The following ZRANB1 variants were observed in gnomAD, a reference collection of about 807,000 sequenced individuals.
ZRANB1 encodes ubiquitin thioesterase ZRANB1.
ZRANB1 carries 16 observed loss-of-function variants against 80.5 expected under a neutral mutation model. The observed-to-expected ratio is 0.20, with a 90% CI of 0.13 to 0.30. ZRANB1 has a LOEUF of 0.30. Among genes scored for constraint, ZRANB1 ranks in the 10% least tolerant of loss-of-function variants. The pLI, the probability that ZRANB1 is intolerant of heterozygous loss-of-function variation, is 1.00. For missense variants in ZRANB1, 576 were observed against 862.6 expected, an observed-to-expected ratio of 0.67 and a Z score of 4.16; for synonymous variants, 291 against 293.1, an observed-to-expected ratio of 0.99 and a Z score of 0.07.
the ZRANB1 span, among the ~76,000 whole-genome samples, chr10:124,933,720 A>C: frequency 1.3e-5 from 2 of 152,196 alleles, no homozygotes; most frequent in Non-Finnish European, 2.9e-5. Flanking sequence ...ATTGTGATTT[A>C]AGGTACGTGA....
chr10:124,957,747 G>T (rs1336038332), intron 1 of ZRANB1, among the ~76,000 whole-genome samples: 1 of 149,186 alleles, frequency 6.7e-6, no homozygotes, highest in African/African-American at 2.5e-5. Flanking sequence ...TTTTTTTCGA[G>T]AGGAAGTTTC....
At chr10:124,920,028 TTC>T in the ZRANB1 span, among the ~76,000 whole-genome samples, 1 of 150,872 alleles carries the variant, frequency 6.6e-6, no homozygotes, top group African/African-American at 2.4e-5. Context: ...CAAGCGATTC[TTC>T]TGCCTCAGTC....
In ZRANB1 at chr10:124,944,498, C is replaced by G. The variant is rs74589452; in HGVS notation, c.814+1191C>G. Among the ~76,000 whole-genome samples the G allele has an allele frequency of 8.5e-3, 892 of 105,080 alleles. 16 individuals carry two copies. The highest frequency in any genetic ancestry group is 0.043 in the Admixed American group (415 of 9,686). 68.9% of individuals were successfully genotyped at this position (105,080 alleles called of 152,430 possible). ...ATATATATCATTCCCCCCCCCCCCCCGCCCCAAGATGGGATCTCACTCTGT... is the reference window on the plus strand; with the variant it reads ...ATATATATCATTCCCCCCCCCCCCCGGCCCCAAGATGGGATCTCACTCTGT... On this transcript the variant is annotated intron_variant, in intron 1 of 8. Coordinates refer to ENST00000359653, the MANE Select transcript of ZRANB1 (RefSeq NM_017580.3).
intron 2 of ZRANB1, 21 bp from the exon 3 acceptor site, chr10:124,971,944 A>G: frequency 6.5e-7 from 1 of 1,548,714 alleles, no homozygotes; most frequent in East Asian, 2.3e-5. Flanking sequence ...AGATGAGAGG[A>G]AGGTTTCTTT....
chr10:124,985,228 G>T lies in ZRANB1; in HGVS notation c.*236G>T, dbSNP rs922504582. 6 of 428,900 alleles carry T rather than the reference G, an allele frequency of 1.4e-5. No individual in the cohort carries two copies. Among genetic ancestry groups the T allele is most frequent in the African/African-American group, 1.0e-4 (5 of 49,896 alleles). 26.6% of individuals were successfully genotyped at this position (428,900 alleles called of 1,614,324 possible). On this transcript the variant is annotated 3_prime_UTR_variant, in exon 9 of 9. Coordinates refer to ENST00000359653, the MANE Select transcript of ZRANB1 (RefSeq NM_017580.3). ...AAAAAAAACTAATTTTATTAAGACA[G>T]AACTTTTTTTCCTTCCAAATTGTAA...
At position 124,942,557 on chromosome 10, in the gene ZRANB1, A is replaced by G. The variant is rs774596697; in HGVS notation, c.64A>G (p.Ile22Val). Residue 22 changes from isoleucine to valine, a missense_variant, in exon 1 of 9, where the codon ATC becomes GTC. Physicochemically the swap from Ile to Val is conservative, Grantham distance 29. Coordinates refer to ENST00000359653, the MANE Select transcript of ZRANB1 (RefSeq NM_017580.3). ...YCTYENWPSA[I>V]KCTMCRAQRP... ...TACGTATGAAAACTGGCCATCTGCA[A>G]TCAAGTGTACTATGTGTCGTGCCCA... 27 of 1,614,082 alleles carry G rather than the reference A, an allele frequency of 1.7e-5. No homozygotes were observed. The highest frequency in any genetic ancestry group is 3.3e-4 in the Middle Eastern group (2 of 6,084).
chr10:124,922,324 ATGTATATATATATTTT>A, the ZRANB1 span, among the ~76,000 whole-genome samples: 80 of 37,962 alleles, frequency 2.1e-3, no homozygotes, highest in African/African-American at 4.4e-3. Context: ...TGTAAAATAT[ATGTATATATATATTTT>A]TTTTTTAATA....
At chr10:124,951,952 G>C (rs1047818423) in intron 1 of ZRANB1, among the ~76,000 whole-genome samples, 1 of 151,902 alleles carries the variant, frequency 6.6e-6, no homozygotes, top group African/African-American at 2.4e-5. Flanking sequence ...GTGAAACTCT[G>C]TCTCAAAATA....
At chr10:124,955,089 A>G (rs1951678042) in intron 1 of ZRANB1, among the ~76,000 whole-genome samples, 1 of 150,212 alleles carries the variant, frequency 6.7e-6, no homozygotes, top group East Asian at 2.1e-4. Flanking sequence ...AGATTGCGCC[A>G]CTGCACTCCA....
chr10:124,917,665 A>C, the ZRANB1 span, among the ~76,000 whole-genome samples: 1 of 152,172 alleles, frequency 6.6e-6, no homozygotes, highest in South Asian at 2.1e-4. Flanking sequence ...GTCCATCGCC[A>C]CAAGTTGGTT....
the ZRANB1 span, among the ~76,000 whole-genome samples, chr10:124,935,271 G>A: frequency 6.6e-6 from 1 of 152,188 alleles, no homozygotes; most frequent in Non-Finnish European, 1.5e-5. Flanking sequence ...AGAAAAACAT[G>A]TAATAGGTTT....
chr10:124,979,016 T>C (rs1410145467), intron 5 of ZRANB1, among the ~76,000 whole-genome samples: 4 of 151,976 alleles, frequency 2.6e-5, no homozygotes, highest in Admixed American at 2.0e-4. Flanking sequence ...CTGGGCAACA[T>C]AATGAGACCC....
At chr10:124,967,622 C>T (rs1279441263) in intron 2 of ZRANB1, among the ~76,000 whole-genome samples, 2 of 152,068 alleles carry the variant, frequency 1.3e-5, no homozygotes, top group African/African-American at 4.8e-5. Context: ...GAGGGAGTTG[C>T]AGAGGTGCTG....
At chr10:124,932,082 G>T in the ZRANB1 span, among the ~76,000 whole-genome samples, 1 of 152,002 alleles carries the variant, frequency 6.6e-6, no homozygotes, top group Admixed American at 6.6e-5. Context: ...ACTGTTTCAG[G>T]TTGTCTGTCA....
At chr10:124,917,838 G>T in the ZRANB1 span, among the ~76,000 whole-genome samples, 1 of 152,282 alleles carries the variant, frequency 6.6e-6, no homozygotes, top group Admixed American at 6.5e-5. Flanking sequence ...CCTCCTGCTC[G>T]CAGTAACGAG....
chr10:124,935,643 TCTTGCTGCCTGTTCA>T, the ZRANB1 span, among the ~76,000 whole-genome samples: 3 of 152,214 alleles, frequency 2.0e-5, no homozygotes, highest in African/African-American at 7.2e-5. Context: ...TTTACTGAGG[TCTTGCTGCCTGTTCA>T]GTTGCTGCCA....
At chr10:124,982,608 G>T (rs548872880) in intron 6 of ZRANB1, among the ~76,000 whole-genome samples, 1 of 152,124 alleles carries the variant, frequency 6.6e-6, no homozygotes, top group African/African-American at 2.4e-5. Flanking sequence ...AAGCACCATG[G>T]TTCATTTGAA....
At chr10:124,945,612 G>A (rs776447055) in intron 1 of ZRANB1, 1 of 151,836 alleles carries the variant, frequency 6.6e-6, no homozygotes, top group Non-Finnish European at 1.5e-5. Context: ...TTCAACCCCC[G>A]GTTGCTTCAA....
the ZRANB1 span, among the ~76,000 whole-genome samples, chr10:124,919,483 G>A: frequency 6.6e-6 from 1 of 151,956 alleles, no homozygotes; most frequent in Non-Finnish European, 1.5e-5. Context: ...GGAGGCGGAG[G>A]TTGCTGCGAG....
Sources: gnomAD v4.1 joint callset for allele counts (sites outside exome capture counted in the v4.1 genomes callset) on GRCh38, gnomAD v4.1.1 for gene constraint, MANE v1.5 for transcripts, NCBI Gene and HGNC (gene_info 2026-07-23, HGNC 2026-07-21) for gene names.